Variants in EPB41L5 observed in about 807,000 individuals in gnomAD.
EPB41L5 encodes the protein band 4.1-like protein 5.
In EPB41L5, 55 loss-of-function variants were observed where a neutral mutation model predicts 106.6. The ratio of observed to expected loss-of-function variants is 0.52; its 90% CI spans 0.42 to 0.65. The LOEUF (loss-of-function observed/expected upper bound fraction) is 0.65. Ranked by LOEUF, EPB41L5 falls within the 30% of genes least tolerant of loss-of-function variation. The pLI is 0.00. For synonymous variants in EPB41L5, 297 were observed against 306.7 expected (o/e 0.97, Z 0.33); for missense variants, 871 against 882.1 (o/e 0.99, Z 0.16).
At chr2:120,097,672 G>A (rs1683847872) in intron 14 of EPB41L5, among the ~76,000 whole-genome samples, 2 of 152,134 alleles carry the variant, frequency 1.3e-5, no homozygotes, top group Non-Finnish European at 2.9e-5. Flanking sequence ...AATGGTAGAG[G>A]AAATCAAATG....
chr2:120,026,415 C>T lies in EPB41L5; in HGVS notation c.180+7151C>T, dbSNP rs543933356. 5.9e-5 allele frequency among the ~76,000 whole-genome samples: 9 copies of T among 152,172 alleles called. No individual in the cohort carries two copies. In the East Asian group the frequency reaches 1.5e-3, roughly 26 times the overall value. On this transcript the variant is annotated intron_variant, in intron 2 of 24. Transcript: ENST00000263713. ...ACGGAGTCTCACTCTATTGCTCAGG[C>T]TGGAGTGCAATGACGTGATCTCAGC...
chr2:120,136,393 A>T (rs1048565488), intron 18 of EPB41L5, among the ~76,000 whole-genome samples: 2 of 151,480 alleles, frequency 1.3e-5, no homozygotes, highest in Non-Finnish European at 2.9e-5. Flanking sequence ...GGCAATAATA[A>T]ATCCTTACTT....
At position 120,028,138 on chromosome 2, in the gene EPB41L5, A is replaced by G. The variant is rs543662851; in HGVS notation, c.180+8874A>G. On this transcript the variant is annotated intron_variant, in intron 2 of 24. Coordinates refer to ENST00000263713, the MANE Select transcript of EPB41L5 (RefSeq NM_020909.4). ...CTCGGCCTCCCAAAGTGCTGGGATT[A>G]CAGGCGTGAGCCACCGCGCCCGGCC... Among the ~76,000 whole-genome samples, 3 of 152,144 alleles carry G rather than the reference A, an allele frequency of 2.0e-5. No individual in the cohort carries two copies. The East Asian group carries it at 5.8e-4, about 29-fold the overall frequency.
chr2:120,068,515 G>A (rs1681610815), intron 3 of EPB41L5, among the ~76,000 whole-genome samples: 1 of 152,206 alleles, frequency 6.6e-6, no homozygotes, highest in Admixed American at 6.5e-5. Flanking sequence ...CTCAGGCTTG[G>A]TGAGGGGAGG....
chr2:120,156,373 C>T (rs1686901474), intron 20 of EPB41L5, among the ~76,000 whole-genome samples: 1 of 152,164 alleles, frequency 6.6e-6, no homozygotes, highest in African/African-American at 2.4e-5. Context: ...CACCAGCCTG[C>T]CCACTCCCTC....
At chr2:120,113,442 A>G (rs1240361520) in intron 16 of EPB41L5, among the ~76,000 whole-genome samples, 3 of 152,238 alleles carry the variant, frequency 2.0e-5, no homozygotes, top group Non-Finnish European at 2.9e-5. Context: ...TAGAAGAAAG[A>G]ATGTCTTTAC....
rs1195856001 is a variant in EPB41L5, at chr2:120,164,785, A to G, written c.1888-51A>G. ...TGAGAGGATATGGAAAAAACTTAACATCTGATGATAAAGGGGTCATTTAAC... is the reference window on the plus strand; with the variant it reads ...TGAGAGGATATGGAAAAAACTTAACGTCTGATGATAAAGGGGTCATTTAAC... On this transcript the variant is annotated intron_variant, in intron 21 of 24. Coordinates refer to ENST00000263713, the MANE Select transcript of EPB41L5 (RefSeq NM_020909.4). 3 of 1,334,638 alleles carry G rather than the reference A, an allele frequency of 2.2e-6. No homozygotes were observed. In the African/African-American group the frequency reaches 4.4e-5, roughly 20 times the overall value. 82.7% of individuals were successfully genotyped at this position (1,334,638 alleles called of 1,614,324 possible).
At chr2:120,161,406 T>C (rs1687136289) in intron 21 of EPB41L5, among the ~76,000 whole-genome samples, 1 of 151,884 alleles carries the variant, frequency 6.6e-6, no homozygotes, top group African/African-American at 2.4e-5. Context: ...GATAAAAGCA[T>C]TGAGCCACAG....
intron 21 of EPB41L5, among the ~76,000 whole-genome samples, chr2:120,161,186 T>C (rs1687128186): frequency 1.3e-5 from 2 of 152,030 alleles, no homozygotes; most frequent in South Asian, 4.2e-4. Flanking sequence ...AAGACCAGCC[T>C]GGGCAACATG....
chr2:120,168,051 G>C (rs1444295475), intron 24 of EPB41L5, 44 bp downstream of exon 24: 1 of 1,595,986 alleles, frequency 6.3e-7, no homozygotes, highest in Non-Finnish European at 8.6e-7. Flanking sequence ...GCATCTGTTA[G>C]GAAGAAAAAA....
intron 16 of EPB41L5, among the ~76,000 whole-genome samples, chr2:120,119,772 A>G (rs1175267599): frequency 1.3e-5 from 2 of 152,212 alleles, no homozygotes; most frequent in Non-Finnish European, 2.9e-5. Context: ...ATTTACAAAG[A>G]GATGGAAACA....
chr2:120,053,031 A>C (rs754247226), intron 3 of EPB41L5, among the ~76,000 whole-genome samples: 2 of 152,208 alleles, frequency 1.3e-5, no homozygotes, highest in Non-Finnish European at 2.9e-5. Context: ...CCCTGTGTAC[A>C]TGCTGGTCTT....
At chr2:120,028,163 C>G (rs527755154) in intron 2 of EPB41L5, among the ~76,000 whole-genome samples, 1 of 151,980 alleles carries the variant, frequency 6.6e-6, no homozygotes, top group Non-Finnish European at 1.5e-5. Flanking sequence ...CGCGCCCGGC[C>G]GGAAGTTATT....
At chr2:120,061,699 A>G (rs1276791244) in intron 3 of EPB41L5, among the ~76,000 whole-genome samples, 1 of 152,214 alleles carries the variant, frequency 6.6e-6, no homozygotes, top group Admixed American at 6.5e-5. Context: ...GATGGTAGGT[A>G]TCATGCATCA....
At chr2:120,152,258 A>G (rs564295616) in intron 20 of EPB41L5, among the ~76,000 whole-genome samples, 1 of 152,296 alleles carries the variant, frequency 6.6e-6, no homozygotes, top group Admixed American at 6.5e-5. Context: ...CTTTTTCTGC[A>G]TCAGTTGAGA....
At chr2:120,104,083 G>C (rs1357406807) in intron 16 of EPB41L5, 1 of 1,534,744 alleles carries the variant, frequency 6.5e-7, no homozygotes, top group Middle Eastern at 1.7e-4. Context: ...AGCGACTGCT[G>C]TCAACGTGGT....
intron 14 of EPB41L5, among the ~76,000 whole-genome samples, chr2:120,094,197 G>T (rs1683598976): frequency 6.6e-6 from 1 of 152,010 alleles, no homozygotes; most frequent in Non-Finnish European, 1.5e-5. Context: ...GTATTGCCCA[G>T]GCTGGTCTCA....
intron 3 of EPB41L5, among the ~76,000 whole-genome samples, chr2:120,052,393 G>A (rs1680347113): frequency 6.6e-6 from 1 of 152,176 alleles, no homozygotes; most frequent in Admixed American, 6.5e-5. Context: ...CCCATTACTA[G>A]TGATACTAAA....
intron 10 of EPB41L5, among the ~76,000 whole-genome samples, chr2:120,082,418 G>A (rs1252843234): frequency 1.3e-5 from 2 of 151,940 alleles, no homozygotes. Context: ...TTTATTGATT[G>A]GCATATGTTG....
Sources: gnomAD v4.1 joint callset for allele counts (sites outside exome capture counted in the v4.1 genomes callset) on GRCh38, gnomAD v4.1.1 for gene constraint, MANE v1.5 for transcripts, NCBI Gene and HGNC (gene_info 2026-07-23, HGNC 2026-07-21) for gene names.